ECD: variants seen among roughly 807,000 people sequenced by gnomAD.
ECD encodes the protein ecdysoneless cell cycle regulator, also known as protein ecdysoneless homolog.
A neutral mutation model predicts 77.2 loss-of-function variants in ECD; 59 were observed. The observed-to-expected ratio is 0.76, with a 90% confidence interval of 0.62 to 0.95. ECD has a LOEUF of 0.95. ECD is among the 40% of genes least tolerant of loss of function. ECD has a pLI of 0.00. For missense variants in ECD, 704 were observed against 763.4 expected (o/e 0.92, Z 0.92); for synonymous variants, 233 against 267.4 (o/e 0.87, Z 1.26).
Position 73,134,507 on chromosome 10 carries a change from G to C in ECD, c.*76C>G, listed in dbSNP as rs1453050296. Reference sequence around the variant, plus strand: ...ATGAAGAAACATTTTTACTAAATGAGTAATCTAAACTAGAAATGAACAGAA... The same window carrying C: ...ATGAAGAAACATTTTTACTAAATGACTAATCTAAACTAGAAATGAACAGAA... On this transcript the variant is annotated 3_prime_UTR_variant, in exon 14 of 14. Transcript: ENST00000372979. The C allele has an allele frequency of 4.6e-6, 6 of 1,317,954 alleles. No homozygotes were observed. Among genetic ancestry groups the C allele is most frequent in the Non-Finnish European group, 6.3e-6 (6 of 958,428 alleles). The allele number at this position is 1,317,954 out of a possible 1,614,324, so 81.6% of individuals were successfully genotyped here.
intron 3 of ECD, among the ~76,000 whole-genome samples, chr10:73,158,309 G>A (rs1459891026): frequency 6.6e-6 from 1 of 151,702 alleles, no homozygotes; most frequent in African/African-American, 2.4e-5. Flanking sequence ...GATTTTAAAT[G>A]TTCGCACCAC....
chr10:73,144,152 C>T (rs1564661606), intron 9 of ECD, among the ~76,000 whole-genome samples: 1 of 152,134 alleles, frequency 6.6e-6, no homozygotes, highest in African/African-American at 2.4e-5. Flanking sequence ...TAGTTCATCT[C>T]TGGTTAACTA....
At chr10:73,165,826 T>C (rs981657055) in intron 1 of ECD, among the ~76,000 whole-genome samples, 4 of 152,156 alleles carry the variant, frequency 2.6e-5, no homozygotes, top group Admixed American at 1.3e-4. Context: ...AGCCAGGACA[T>C]GCTCTCATCT....
intron 1 of ECD, among the ~76,000 whole-genome samples, chr10:73,165,697 A>T (rs2133278586): frequency 6.6e-6 from 1 of 152,086 alleles, no homozygotes; most frequent in Admixed American, 6.6e-5. Context: ...ATACAGGTAT[A>T]CAATGCATAA....
chr10:73,146,441 GA>G (rs1343308980), intron 8 of ECD, 80 bp from the exon 9 acceptor site: 3 of 909,292 alleles, frequency 3.3e-6, no homozygotes, highest in Non-Finnish European at 4.9e-6. Context: ...AACTTTCAGG[GA>G]GGCAGCAAAT....
chr10:73,160,344 G>A, intron 3 of ECD, 90 bp downstream of exon 3: 1 of 870,942 alleles, frequency 1.1e-6, no homozygotes, highest in Non-Finnish European at 1.7e-6. Flanking sequence ...GCAGACTACA[G>A]GAGAAAAATA....
chr10:73,138,152 G>A, intron 11 of ECD, 82 bp from the exon 12 acceptor site: 5 of 1,019,570 alleles, frequency 4.9e-6, no homozygotes, highest in Non-Finnish European at 6.6e-6. Context: ...CCATTCTTAG[G>A]AAAGCTACCA....
At chr10:73,139,836 T>A in intron 9 of ECD, 99 bp from the exon 10 acceptor site, 1 of 726,910 alleles carries the variant, frequency 1.4e-6, no homozygotes, top group Non-Finnish European at 2.1e-6. Context: ...TTAGCTAGTC[T>A]AATTTGGGGA....
Position 73,163,813 on chromosome 10 carries a change from A to T in ECD, c.125T>A (p.Ile42Lys), listed in dbSNP as rs1843412247. 1 of 1,614,060 alleles carries T rather than the reference A, an allele frequency of 6.2e-7. No homozygotes were observed. The highest frequency in any genetic ancestry group is 1.7e-5 in the Admixed American group (1 of 59,994). Residue 42 changes from isoleucine (I) to lysine (K), a missense_variant, in exon 2 of 14, where the codon ATA (isoleucine) becomes AAA (lysine). By Grantham distance (102) the Ile-to-Lys change is moderately radical. Transcript: ENST00000372979. ...KEILQKYIER[I>K]ITRFAPMLVP... ...CAGCATAGGTGCAAACCGAGTGATT[A>T]TTCTCTCAATGTACTTCTGAAGAAT...
At chr10:73,154,231 T>G in intron 6 of ECD, 25 bp downstream of exon 6, 1 of 1,557,322 alleles carries the variant, frequency 6.4e-7, no homozygotes, top group Non-Finnish European at 8.7e-7. Flanking sequence ...TAAGAGAAAC[T>G]AAATGACCAA....
intron 2 of ECD, among the ~76,000 whole-genome samples, chr10:73,162,393 G>C (rs539913607): frequency 6.6e-6 from 1 of 152,282 alleles, no homozygotes; most frequent in South Asian, 2.1e-4. Flanking sequence ...TGGATAACTG[G>C]GTGGATGGCA....
chr10:73,154,048 A>G (rs187248142), intron 6 of ECD, among the ~76,000 whole-genome samples: 149 of 152,352 alleles, frequency 9.8e-4, no homozygotes, highest in Middle Eastern at 6.8e-3. Flanking sequence ...GAAATCTGAA[A>G]TACTTCTAGT....
chr10:73,149,798 T>A (rs1240422003), intron 7 of ECD, among the ~76,000 whole-genome samples: 1 of 152,214 alleles, frequency 6.6e-6, no homozygotes, highest in African/African-American at 2.4e-5. Flanking sequence ...ACAATCAATT[T>A]ATATTCCTAT....
chr10:73,151,241 C>G (rs565263183), intron 7 of ECD, among the ~76,000 whole-genome samples: 1 of 152,000 alleles, frequency 6.6e-6, no homozygotes, highest in East Asian at 1.9e-4. Flanking sequence ...ATGGATGAAG[C>G]TGGAAACCAT....
intron 13 of ECD, 59 bp from the exon 14 acceptor site, chr10:73,134,872 T>C (rs1395241906): frequency 7.0e-7 from 1 of 1,428,916 alleles, no homozygotes; most frequent in Non-Finnish European, 9.7e-7. Context: ...TGCATGGTGG[T>C]TACAATAAAA....
chr10:73,141,790 C>T (rs1030817202), intron 9 of ECD, among the ~76,000 whole-genome samples: 9 of 152,200 alleles, frequency 5.9e-5, no homozygotes, highest in African/African-American at 2.2e-4. Context: ...CCATCACCTA[C>T]GTGATTTTGC....
In ECD at chr10:73,134,221, A is replaced by G. The variant is rs1374883891; in HGVS notation, c.*362T>C. On this transcript the variant is annotated 3_prime_UTR_variant, in exon 14 of 14. Coordinates refer to ENST00000372979, the MANE Select transcript of ECD (RefSeq NM_007265.3). ...AAAGTGAATGAGTTTTCAAATCCAA[A>G]TTTGTCAACTTGAAATTTTGATCTG... 2.3e-5 allele frequency: 4 copies of G among 176,648 alleles called. No homozygotes were observed. In the East Asian group the frequency reaches 5.8e-4, roughly 26 times the overall value. The allele number at this position is 176,648 out of a possible 1,614,324, so 10.9% of individuals were successfully genotyped here.
At chr10:73,151,036 A>G (rs542146378) in intron 7 of ECD, among the ~76,000 whole-genome samples, 1 of 152,338 alleles carries the variant, frequency 6.6e-6, no homozygotes, top group East Asian at 1.9e-4. Context: ...GTATATGCCC[A>G]AAGGATTATA....
chr10:73,146,806 TTAAC>T (rs1843135967), intron 8 of ECD, among the ~76,000 whole-genome samples: 1 of 151,304 alleles, frequency 6.6e-6, no homozygotes, highest in South Asian at 2.1e-4. Context: ...ATATAGCTGA[TTAAC>T]TAGTAATTCA....
Sources: gnomAD v4.1 joint callset for allele counts (sites outside exome capture counted in the v4.1 genomes callset) on GRCh38, gnomAD v4.1.1 for gene constraint, MANE v1.5 for transcripts, NCBI Gene and HGNC (gene_info 2026-07-23, HGNC 2026-07-21) for gene names.